The following SSBP3 variants were observed in gnomAD, a reference collection of about 807,000 sequenced individuals.
SSBP3 encodes the protein single stranded DNA binding protein 3, also known as single-stranded DNA-binding protein 3.
In SSBP3, 5 loss-of-function variants were observed where a neutral mutation model predicts 69.6. That is an observed-to-expected ratio of 0.07 (90% CI 0.04 to 0.15). SSBP3 has a LOEUF of 0.15. Ranked by LOEUF, SSBP3 falls within the 10% of genes least tolerant of loss-of-function variation. The pLI is 1.00. For missense variants in SSBP3, 312 were observed against 534.0 expected (o/e 0.58, Z 4.10); for synonymous variants, 196 against 193.4 (o/e 1.01, Z -0.11).
At chr1:54,313,521 A>C (rs1403475955) in intron 4 of SSBP3, among the ~76,000 whole-genome samples, 1 of 90,224 alleles carries the variant, frequency 1.1e-5, no homozygotes, top group Non-Finnish European at 2.0e-5. Flanking sequence ...TCCTGGGCTC[A>C]AACAATCTTC....
chr1:54,253,971 G>A lies in SSBP3; in HGVS notation c.508-2111C>T, dbSNP rs146799224. Among the ~76,000 whole-genome samples, 682 of 152,362 alleles carry A rather than the reference G, an allele frequency of 4.5e-3. 8 individuals are homozygous for A. The highest frequency in any genetic ancestry group is 0.016 in the African/African-American group (660 of 41,580). On this transcript the variant is annotated intron_variant, in intron 7 of 17. Coordinates refer to ENST00000610401, the Ensembl canonical transcript of SSBP3. The stretch of plus-strand genomic sequence containing the variant: ...TCAGAGGCTCAGAGGGGACCTGGAG[G>A]TCGCGTCCCTCACTGAGGTGACCCT...
intron 4 of SSBP3, among the ~76,000 whole-genome samples, chr1:54,333,483 C>T (rs1490910968): frequency 6.6e-6 from 1 of 152,210 alleles, no homozygotes; most frequent in Non-Finnish European, 1.5e-5. Context: ...TAATTAAAAA[C>T]TTCAACAGGC....
At chr1:54,277,171 G>A (rs779513500) in intron 5 of SSBP3, among the ~76,000 whole-genome samples, 1 of 150,668 alleles carries the variant, frequency 6.6e-6, no homozygotes, top group Non-Finnish European at 1.5e-5. Flanking sequence ...CATCAGGGAT[G>A]GCAAAGAGGA....
chr1:54,409,204 C>T (rs1337518298), upstream of SSBP3, among the ~76,000 whole-genome samples: 2 of 152,164 alleles, frequency 1.3e-5, no homozygotes, highest in Non-Finnish European at 2.9e-5. Flanking sequence ...GCCTCAGTTC[C>T]CTTCTTCTAC....
intron 4 of SSBP3, among the ~76,000 whole-genome samples, chr1:54,296,867 G>GC (rs1340008980): frequency 6.6e-6 from 1 of 152,102 alleles, no homozygotes; most frequent in African/African-American, 2.4e-5. Context: ...TGCCATCCCT[G>GC]CCCCCAAAGC....
At chr1:54,304,889 G>C (rs1645869568) in intron 4 of SSBP3, among the ~76,000 whole-genome samples, 1 of 152,144 alleles carries the variant, frequency 6.6e-6, no homozygotes, top group Non-Finnish European at 1.5e-5. Flanking sequence ...CAGATAAACA[G>C]AGAAACACAT....
Position 54,352,359 on chromosome 1 carries a change from AGAGAGGCCAAATG to A in SSBP3, c.276+49489_276+49501del, listed in dbSNP as rs569337723. ...GTTATCCTACTAAGTGGCAATCTCC[AGAGAGGCCAAATG>A]GATCCAAACTTCTTGGCTGACTGGT... is the stretch of plus-strand genomic sequence containing the variant. On this transcript the variant is annotated intron_variant, in intron 4 of 17. Coordinates refer to ENST00000610401, the Ensembl canonical transcript of SSBP3. Among the ~76,000 whole-genome samples, 20 of 152,312 alleles carry A rather than the reference AGAGAGGCCAAATG, an allele frequency of 1.3e-4. No individual in the cohort carries two copies. In the South Asian group the frequency reaches 4.1e-3, roughly 32 times the overall value.
intron 14 of SSBP3, among the ~76,000 whole-genome samples, chr1:54,231,989 C>T (rs912233752): frequency 3.3e-5 from 5 of 152,292 alleles, no homozygotes; most frequent in South Asian, 2.1e-4. Flanking sequence ...CCACCATGCC[C>T]GGCCCCCTAT....
intron 4 of SSBP3, among the ~76,000 whole-genome samples, chr1:54,384,138 CAGG>C (rs1303883088): frequency 6.8e-6 from 1 of 146,572 alleles, no homozygotes; most frequent in African/African-American, 2.5e-5. Context: ...AAGAACTGGG[CAGG>C]AGAACAGTCA....
intron 4 of SSBP3, among the ~76,000 whole-genome samples, chr1:54,392,221 G>T (rs1164799823): frequency 6.6e-6 from 1 of 152,134 alleles, no homozygotes; most frequent in Non-Finnish European, 1.5e-5. Context: ...ACATGTGGTG[G>T]GGAAACAATT....
chr1:54,242,904 T>C, intron 10 of SSBP3: 1 of 222,254 alleles, frequency 4.5e-6, no homozygotes, highest in South Asian at 1.2e-4. Flanking sequence ...AAGCCAAGAT[T>C]GTGCCACTGT....
intron 4 of SSBP3, among the ~76,000 whole-genome samples, chr1:54,288,369 A>G (rs532937151): frequency 8.1e-4 from 124 of 152,296 alleles, no homozygotes; most frequent in African/African-American, 3.0e-3. Flanking sequence ...ATGTCCAAGG[A>G]GCTCTTCAGC....
chr1:54,314,327 T>C (rs1464111327), intron 4 of SSBP3, among the ~76,000 whole-genome samples: 1 of 152,188 alleles, frequency 6.6e-6, no homozygotes, highest in Non-Finnish European at 1.5e-5. Context: ...GGACCTACCA[T>C]GTAGCGCAAA....
At chr1:54,343,808 G>A (rs557108739) in intron 4 of SSBP3, among the ~76,000 whole-genome samples, 5 of 152,224 alleles carry the variant, frequency 3.3e-5, no homozygotes, top group Admixed American at 6.5e-5. Flanking sequence ...ACCCCACCCC[G>A]TCTACCCAAA....
At chr1:54,298,781 C>T (rs898060175) in intron 4 of SSBP3, among the ~76,000 whole-genome samples, 1 of 152,192 alleles carries the variant, frequency 6.6e-6, no homozygotes, top group African/African-American at 2.4e-5. Context: ...ACGTCAGCTT[C>T]AAAAACACCA....
intron 4 of SSBP3, among the ~76,000 whole-genome samples, chr1:54,310,558 C>A (rs762223203): frequency 3.1e-4 from 47 of 152,272 alleles, no homozygotes; most frequent in Non-Finnish European, 5.9e-4. Flanking sequence ...CCTGCATTAG[C>A]TAAACCATTC....
intron 14 of SSBP3, among the ~76,000 whole-genome samples, chr1:54,234,435 A>C (rs1327630151): frequency 6.6e-6 from 1 of 152,100 alleles, no homozygotes; most frequent in East Asian, 1.9e-4. Flanking sequence ...AACAACAAAT[A>C]AAATTAGCCG....
At chr1:54,405,223 A>C (rs1486169750) in intron 1 of SSBP3, among the ~76,000 whole-genome samples, 1 of 151,960 alleles carries the variant, frequency 6.6e-6, no homozygotes, top group East Asian at 1.9e-4. Flanking sequence ...CTCGCAAGCC[A>C]CTCGACCCCA....
At chr1:54,257,054 A>C in intron 7 of SSBP3, 73 bp downstream of exon 7, 2 of 1,472,082 alleles carry the variant, frequency 1.4e-6, no homozygotes, top group African/African-American at 2.9e-5. Flanking sequence ...CTCAACTTTC[A>C]TTTTGTGTCA....
Sources: gnomAD v4.1 joint callset for allele counts (sites outside exome capture counted in the v4.1 genomes callset) on GRCh38, gnomAD v4.1.1 for gene constraint, MANE v1.5 for transcripts, NCBI Gene and HGNC (gene_info 2026-07-23, HGNC 2026-07-21) for gene names.